Variants in OSBPL10 observed in about 807,000 individuals in gnomAD.
OSBPL10 encodes the protein oxysterol-binding protein-related protein 10.
OSBPL10 carries 49 observed loss-of-function variants against 81.7 expected under a neutral mutation model. That is an observed-to-expected ratio of 0.60 (90% confidence interval 0.48 to 0.76). OSBPL10 has a LOEUF of 0.76. OSBPL10 is among the 30% of genes least tolerant of loss of function. The pLI is 0.00. For synonymous variants in OSBPL10, 419 were observed against 383.6 expected (o/e 1.09, Z -1.08); for missense variants, 923 against 987.8 (o/e 0.93, Z 0.88).
chr3:31,989,424 A>G (rs1046443680), intron 2 of OSBPL10: 5 of 1,614,100 alleles, frequency 3.1e-6, no homozygotes, highest in African/African-American at 1.3e-5. Context: ...TTGAGTTTCA[A>G]TGGCAAGAAG....
At chr3:31,773,664 G>A (rs1383358716) in intron 4 of OSBPL10, among the ~76,000 whole-genome samples, 1 of 152,118 alleles carries the variant, frequency 6.6e-6, no homozygotes. Context: ...CCAGAAGGTA[G>A]GTCTAAAGGT....
intron 2 of OSBPL10, among the ~76,000 whole-genome samples, chr3:32,036,175 G>A (rs1217902418): frequency 1.3e-5 from 2 of 152,176 alleles, no homozygotes; most frequent in African/African-American, 4.8e-5. Flanking sequence ...CGCCTCCTGA[G>A]TAGCTGGGAT....
At chr3:31,765,611 C>T (rs181543633) in intron 4 of OSBPL10, among the ~76,000 whole-genome samples, 1 of 152,210 alleles carries the variant, frequency 6.6e-6, no homozygotes, top group East Asian at 1.9e-4. Flanking sequence ...GGTCTCAATG[C>T]CACTATGAGA....
intron 1 of OSBPL10, among the ~76,000 whole-genome samples, chr3:31,909,628 C>T (rs542490534): frequency 4.6e-4 from 70 of 152,278 alleles, no homozygotes; most frequent in African/African-American, 1.6e-3. Flanking sequence ...CAAGTCAGTA[C>T]GGCCACTTGG....
At chr3:31,944,144 C>T (rs1412762605) in intron 1 of OSBPL10, among the ~76,000 whole-genome samples, 1 of 151,968 alleles carries the variant, frequency 6.6e-6, no homozygotes, top group Non-Finnish European at 1.5e-5. Context: ...ATTATTTCTT[C>T]TGCACTTCTT....
Position 31,891,957 on chromosome 3 carries a change from T to C in OSBPL10, c.282-12127A>G, listed in dbSNP as rs192968226. Among the ~76,000 whole-genome samples, 584 of 152,244 alleles carry C rather than the reference T, an allele frequency of 3.8e-3. 4 individuals are homozygous for C. Among genetic ancestry groups the C allele is most frequent in the Non-Finnish European group, 5.4e-3 (366 of 68,022 alleles). ...TATGAGCCAGGTATTGTGCTAAGGA[T>C]ACATGTGGTATGGGTGACAAAGCCC... On this transcript the variant is annotated intron_variant, in intron 1 of 11. Transcript: ENST00000396556.
At chr3:31,726,362 G>T (rs1696808365) in intron 6 of OSBPL10, among the ~76,000 whole-genome samples, 1 of 151,808 alleles carries the variant, frequency 6.6e-6, no homozygotes, top group South Asian at 2.1e-4. Context: ...CTGTTGACAG[G>T]CTGGAGTGCA....
intron 5 of OSBPL10, among the ~76,000 whole-genome samples, chr3:31,743,031 GTTTTTTTTTTT>G (rs10715360): frequency 3.5e-5 from 2 of 57,494 alleles, no homozygotes; most frequent in African/African-American, 1.3e-4. Flanking sequence ...AGCTAAATTA[GTTTTTTTTTTT>G]TTTTTTTTTT....
At chr3:31,918,414 G>A (rs1037218143) in intron 1 of OSBPL10, among the ~76,000 whole-genome samples, 3 of 151,198 alleles carry the variant, frequency 2.0e-5, no homozygotes, top group East Asian at 1.9e-4. Context: ...CTGTAGCCTC[G>A]AACTCCTGGG....
intron 2 of OSBPL10, among the ~76,000 whole-genome samples, chr3:31,878,861 G>A (rs74388374): frequency 0.11 from 16,200 of 151,096 alleles, 1,085 homozygotes; most frequent in Admixed American, 0.21. Flanking sequence ...ATGCACTTGT[G>A]GGCATTTAGA....
intron 6 of OSBPL10, chr3:31,718,777 A>G (rs1218245234): frequency 2.6e-5 from 4 of 152,224 alleles, no homozygotes; most frequent in Non-Finnish European, 5.9e-5. Context: ...CAACTTGACA[A>G]GTATCCTGCA....
intron 1 of OSBPL10, among the ~76,000 whole-genome samples, chr3:31,952,434 C>T (rs1559530098): frequency 1.3e-5 from 2 of 152,212 alleles, no homozygotes; most frequent in Non-Finnish European, 1.5e-5. Flanking sequence ...TATCCCTCGT[C>T]ACGCTCCGTG....
chr3:31,873,256 T>A (rs990738380), intron 3 of OSBPL10, among the ~76,000 whole-genome samples: 2 of 152,320 alleles, frequency 1.3e-5, no homozygotes, highest in Admixed American at 1.3e-4. Flanking sequence ...TACCATATTC[T>A]ACGATAAAAA....
chr3:32,028,179 A>T (rs1331513529), intron 2 of OSBPL10, among the ~76,000 whole-genome samples: 1 of 152,210 alleles, frequency 6.6e-6, no homozygotes, highest in Non-Finnish European at 1.5e-5. Context: ...GCATACTCAT[A>T]GATATAAATG....
rs576951342 is a variant in OSBPL10 at position 31,903,005 on chromosome 3, G to A, written c.282-23175C>T. 6.8e-4 allele frequency among the ~76,000 whole-genome samples: 103 copies of A among 152,290 alleles called. 2 individuals carry two copies. The South Asian group carries it at 0.019, about 28-fold the overall frequency. ...GATTTATTCATTCTTGCACTTTTCT[G>A]ACATTGCCAGTCCCATGCCCTTCCT... On this transcript the variant is annotated intron_variant, in intron 1 of 11. Coordinates refer to ENST00000396556, the MANE Select transcript of OSBPL10 (RefSeq NM_017784.5).
intron 4 of OSBPL10, among the ~76,000 whole-genome samples, chr3:31,762,630 ATTTT>A (rs56311731): frequency 1.3e-4 from 8 of 61,514 alleles, no homozygotes; most frequent in South Asian, 7.8e-4. Context: ...CATGCCCAGC[ATTTT>A]TTTTTTTTTT....
chr3:32,048,880 CACCAAAAACA>C (rs1699647245), intron 1 of OSBPL10, among the ~76,000 whole-genome samples: 1 of 152,138 alleles, frequency 6.6e-6, no homozygotes, highest in Non-Finnish European at 1.5e-5. Flanking sequence ...TCCCAAAACC[CACCAAAAACA>C]ACATGGCAAT....
At position 31,672,498 on chromosome 3, in the gene OSBPL10, G is replaced by A. The variant is rs189882527; in HGVS notation, c.1727-1515C>T. On this transcript the variant is annotated intron_variant, in intron 8 of 11. Transcript: ENST00000396556. ...CTTTTAGTATAGATGAGCTTGCCAG[G>A]GGAGTCTGAGGAGAGATAGGGTTAA... is the stretch of plus-strand genomic sequence containing the variant. 4.8e-4 allele frequency among the ~76,000 whole-genome samples: 73 copies of A among 151,960 alleles called. No homozygotes were observed. In the East Asian group the frequency reaches 0.011, roughly 23 times the overall value.
intron 10 of OSBPL10, 148 bp downstream of exon 10, chr3:31,668,494 G>A: frequency 1.4e-6 from 1 of 712,466 alleles, no homozygotes; most frequent in Non-Finnish European, 2.1e-6. Context: ...ACACACAGTA[G>A]AAAATTAAAA....
Sources: gnomAD v4.1 joint callset for allele counts (sites outside exome capture counted in the v4.1 genomes callset) on GRCh38, gnomAD v4.1.1 for gene constraint, MANE v1.5 for transcripts, NCBI Gene and HGNC (gene_info 2026-07-23, HGNC 2026-07-21) for gene names.